The following CCSER2 variants were observed in gnomAD, a reference collection of about 807,000 sequenced individuals.
CCSER2 encodes the protein coiled-coil serine rich protein 2, also known as serine-rich coiled-coil domain-containing protein 2.
A neutral mutation model predicts 92.3 loss-of-function variants in CCSER2; 46 were observed. That is an observed-to-expected ratio of 0.50 (90% confidence interval 0.39 to 0.64). The LOEUF is 0.64. Ranked by LOEUF, CCSER2 falls within the 30% of genes least tolerant of loss-of-function variation. The pLI is 0.00. For synonymous variants in CCSER2, 433 were observed against 431.4 expected (o/e 1.00, Z -0.04); for missense variants, 1,244 against 1,238.9 (o/e 1.00, Z -0.06).
At chr10:84,503,303 G>A (rs1220835103) in intron 9 of CCSER2, among the ~76,000 whole-genome samples, 1 of 151,974 alleles carries the variant, frequency 6.6e-6, no homozygotes, top group African/African-American at 2.4e-5. Flanking sequence ...AGGAAATTTT[G>A]ACTTACATTT....
intron 1 of CCSER2, among the ~76,000 whole-genome samples, chr10:84,357,474 G>C (rs1845242627): frequency 6.9e-6 from 1 of 144,902 alleles, no homozygotes; most frequent in Non-Finnish European, 1.5e-5. Context: ...TTTTGAGACG[G>C]AGTCTCTCTC....
intron 5 of CCSER2, among the ~76,000 whole-genome samples, chr10:84,429,014 T>TATATATATATAC (rs1400134320): frequency 4.3e-5 from 6 of 139,380 alleles, no homozygotes; most frequent in Admixed American, 1.5e-4. Context: ...TATATATATA[T>TATATATATATAC]ACACACTTAA....
At chr10:84,359,633 A>G (rs1845392001) in intron 1 of CCSER2, among the ~76,000 whole-genome samples, 1 of 152,062 alleles carries the variant, frequency 6.6e-6, no homozygotes, top group Non-Finnish European at 1.5e-5. Context: ...CTTTTGTAGG[A>G]GGAGTTAAAT....
At chr10:84,395,206 A>G (rs1841763968) in intron 3 of CCSER2, among the ~76,000 whole-genome samples, 1 of 149,752 alleles carries the variant, frequency 6.7e-6, no homozygotes, top group Admixed American at 6.7e-5. Flanking sequence ...CCTGGGTGAC[A>G]GAGTGAGACC....
chr10:84,371,550 C>G lies in CCSER2; in HGVS notation c.498C>G (p.Ile166Met). ...TAGGAAGGACTTCATATTCTTCGATCAATACTCCAAAATCACAGTTGAATG... is the reference window on the plus strand; with the variant it reads ...TAGGAAGGACTTCATATTCTTCGATGAATACTCCAAAATCACAGTTGAATG... ...TLLGRTSYSS[I>M]NTPKSQLNGF... The change falls in exon 2 of 10, where the codon ATC (isoleucine) becomes ATG (methionine). Residue 166 changes from isoleucine (I) to methionine (M), a missense_variant. Physicochemically the swap from Ile to Met is conservative, Grantham distance 10. Transcript: ENST00000372088. 1.2e-6 allele frequency: 2 copies of G among 1,613,674 alleles called. No individual in the cohort carries two copies. The highest frequency in any genetic ancestry group is 1.7e-6 in the Non-Finnish European group (2 of 1,179,776).
rs115486527 is a variant in CCSER2 at position 84,474,212 on chromosome 10, T to G, written c.2236-3363T>G. ...AGAATTTCCTTTATGGGAGACACAT[T>G]AGACAGTGGAACTCAGGTTAAGTGG... On this transcript the variant is annotated intron_variant, in intron 8 of 9. Coordinates refer to ENST00000372088, the MANE Select transcript of CCSER2 (RefSeq NM_001284240.2). Among the ~76,000 whole-genome samples the G allele has an allele frequency of 8.8e-3, 1,346 of 152,278 alleles. 16 individuals are homozygous for G. The highest frequency in any genetic ancestry group is 0.031 in the African/African-American group (1,275 of 41,552).
chr10:84,335,878 A>G (rs1843810197), intron 1 of CCSER2, among the ~76,000 whole-genome samples: 1 of 152,204 alleles, frequency 6.6e-6, no homozygotes, highest in Admixed American at 6.5e-5. Context: ...ACTATTCATA[A>G]TAGCTATTTA....
chr10:84,350,136 G>A (rs1844780247), intron 1 of CCSER2, among the ~76,000 whole-genome samples: 1 of 152,178 alleles, frequency 6.6e-6, no homozygotes, highest in Non-Finnish European at 1.5e-5. Context: ...CTGGGTGACA[G>A]CGAGATTCCG....
chr10:84,510,889 G>C (rs762470897), intron 9 of CCSER2, among the ~76,000 whole-genome samples: 2 of 152,124 alleles, frequency 1.3e-5, no homozygotes, highest in Non-Finnish European at 1.5e-5. Context: ...CATTATAGGT[G>C]TTTCTTATTC....
rs764559431 is a variant in CCSER2 at position 84,372,252 on chromosome 10, G to A, written c.1200G>A (p.Ser400=). 2.1e-5 allele frequency: 34 copies of A among 1,613,050 alleles called. No individual in the cohort carries two copies. The highest frequency in any genetic ancestry group is 1.7e-4 in the Middle Eastern group (1 of 6,058). The part of the protein sequence containing the change: ...LSDDVDDISL[S]SLSSSDKNDL... Reference sequence around the variant, plus strand: ...ATGATGTGGATGACATTTCCTTGTCGTCTTTGTCATCTTCTGATAAGAATG... The same window carrying A: ...ATGATGTGGATGACATTTCCTTGTCATCTTTGTCATCTTCTGATAAGAATG... Residue 400 remains serine (S), a synonymous_variant, in exon 2 of 10, where the codon TCG becomes TCA. Coordinates refer to ENST00000372088, the MANE Select transcript of CCSER2 (RefSeq NM_001284240.2).
chr10:84,335,458 G>A (rs1391114224), intron 1 of CCSER2, among the ~76,000 whole-genome samples: 1 of 151,814 alleles, frequency 6.6e-6, no homozygotes, highest in African/African-American at 2.4e-5. Flanking sequence ...TACCCAGGCT[G>A]GGCTGAAACT....
chr10:84,507,388 G>T lies in CCSER2; in HGVS notation c.2326-6061G>T, dbSNP rs527478538. 5.6e-6 allele frequency: 5 copies of T among 893,608 alleles called. No homozygotes were observed. The African/African-American group carries it at 9.0e-5, about 16-fold the overall frequency. 55.4% of individuals were successfully genotyped at this position (893,608 alleles called of 1,614,324 possible). ...CACCTTCCTCATAATCACTTTTTTT[G>T]GTTTTTTTTTCCAGTTTGCATGATG... On this transcript the variant is annotated intron_variant, in intron 9 of 9. Transcript: ENST00000372088.
rs1243369301 is a variant in CCSER2 at position 84,425,877 on chromosome 10, A to G, written c.1852A>G (p.Lys618Glu). 4 of 1,602,248 alleles carry G rather than the reference A, an allele frequency of 2.5e-6. No homozygotes were observed. The South Asian group carries it at 3.4e-5, about 13-fold the overall frequency. The change falls in exon 5 of 10, where the codon AAA becomes GAA. Residue 618 changes from lysine to glutamate, a missense_variant. By Grantham distance (56) the Lys-to-Glu change is moderately conservative. Coordinates refer to ENST00000372088, the MANE Select transcript of CCSER2 (RefSeq NM_001284240.2). The stretch of plus-strand genomic sequence containing the variant: ...CCCTGACCACTATCATCACCATGGA[A>G]AAAGTGACTTGAGCAGGTAAGTACT... ...SHPDHYHHHG[K>E]SDLSRGSPYR...
intron 1 of CCSER2, among the ~76,000 whole-genome samples, chr10:84,360,058 C>T (rs560579087): frequency 6.6e-6 from 1 of 152,290 alleles, no homozygotes; most frequent in East Asian, 1.9e-4. Flanking sequence ...AGGTGATCAC[C>T]TGTCTCAACC....
chr10:84,401,473 A>G (rs1564630752), intron 3 of CCSER2, among the ~76,000 whole-genome samples: 1 of 152,182 alleles, frequency 6.6e-6, no homozygotes, highest in African/African-American at 2.4e-5. Flanking sequence ...AGCACAAACT[A>G]CTAAACTTCA....
At chr10:84,435,783 A>G (rs1478208226) in intron 5 of CCSER2, among the ~76,000 whole-genome samples, 2 of 152,326 alleles carry the variant, frequency 1.3e-5, no homozygotes, top group Non-Finnish European at 1.5e-5. Context: ...ATACTGTAAT[A>G]AATACTATAA....
chr10:84,442,619 G>A (rs74901866), intron 6 of CCSER2, among the ~76,000 whole-genome samples: 51 of 152,038 alleles, frequency 3.4e-4, no homozygotes, highest in East Asian at 9.6e-4. Context: ...AATTCTCCAC[G>A]AATTATTGTT....
chr10:84,336,290 G>A (rs1480754294), intron 1 of CCSER2, among the ~76,000 whole-genome samples: 1 of 152,142 alleles, frequency 6.6e-6, no homozygotes. Flanking sequence ...GAATAGTTCA[G>A]TCAACAAAAC....
At chr10:84,466,630 G>A (rs1401004198) in intron 7 of CCSER2, among the ~76,000 whole-genome samples, 1 of 148,950 alleles carries the variant, frequency 6.7e-6, no homozygotes, top group African/African-American at 2.5e-5. Context: ...TCAGCCTCCC[G>A]AGTGGCTGGG....
Sources: gnomAD v4.1 joint callset for allele counts (sites outside exome capture counted in the v4.1 genomes callset) on GRCh38, gnomAD v4.1.1 for gene constraint, MANE v1.5 for transcripts, NCBI Gene and HGNC (gene_info 2026-07-23, HGNC 2026-07-21) for gene names.